The following KIAA1328 variants were observed in gnomAD, a reference collection of about 807,000 sequenced individuals.
KIAA1328 encodes protein hinderin.
In KIAA1328, 52 loss-of-function variants were observed where a neutral mutation model predicts 68.1. The observed-to-expected ratio is 0.76, with a 90% confidence interval of 0.61 to 0.96. The LOEUF is 0.96. Ranked by LOEUF, KIAA1328 falls within the 40% of genes least tolerant of loss-of-function variation. The probability of loss-of-function intolerance (pLI) is 0.00; values close to 1 mark genes in which losing one functional copy is unlikely to be tolerated. For synonymous variants in KIAA1328, 232 were observed against 239.4 expected, an observed-to-expected ratio of 0.97 and a Z score of 0.28; for missense variants, 641 against 677.6, an observed-to-expected ratio of 0.95 and a Z score of 0.60.
At chr18:37,139,811 G>A (rs2058729136) in intron 7 of KIAA1328, among the ~76,000 whole-genome samples, 1 of 152,150 alleles carries the variant, frequency 6.6e-6, no homozygotes, top group Admixed American at 6.5e-5. Flanking sequence ...ATAAAGATTA[G>A]TAAATAAGGC....
chr18:37,168,864 T>G (rs1176343145), intron 8 of KIAA1328, among the ~76,000 whole-genome samples: 2 of 151,794 alleles, frequency 1.3e-5, no homozygotes, highest in Admixed American at 1.3e-4. Context: ...TTAAACTGAA[T>G]AGATAATATG....
chr18:36,893,473 G>T (rs964454296), intron 5 of KIAA1328, among the ~76,000 whole-genome samples: 1 of 145,060 alleles, frequency 6.9e-6, no homozygotes, highest in Non-Finnish European at 1.5e-5. Context: ...TTTTGTGTGT[G>T]TGTGTGTGTG....
In KIAA1328 at chr18:37,002,236, T is replaced by C. The variant is rs1476890317; in HGVS notation, c.576+42801T>C. ...TTTCTTCATTTTTTTTTCTTTTTTT[T>C]TTTTTTTTTTTTGAGACAGTATCTC... On this transcript the variant is annotated intron_variant, in intron 6 of 9. Coordinates refer to ENST00000280020, the MANE Select transcript of KIAA1328 (RefSeq NM_020776.3). Among the ~76,000 whole-genome samples the C allele has an allele frequency of 1.6e-4, 23 of 145,810 alleles. No homozygotes were observed. The South Asian group carries it at 3.1e-3, about 20-fold the overall frequency.
chr18:36,850,842 T>C (rs529458293), intron 4 of KIAA1328, among the ~76,000 whole-genome samples: 145 of 152,296 alleles, frequency 9.5e-4, no homozygotes, highest in Non-Finnish European at 1.6e-3. Context: ...GCCTAGAATT[T>C]CTAGTACATT....
At chr18:37,073,929 A>G (rs1315922684) in intron 7 of KIAA1328, among the ~76,000 whole-genome samples, 1 of 152,132 alleles carries the variant, frequency 6.6e-6, no homozygotes, top group African/African-American at 2.4e-5. Flanking sequence ...TGGCATGATG[A>G]GTGATTTTTA....
chr18:37,121,949 A>G (rs1304577409), intron 7 of KIAA1328, among the ~76,000 whole-genome samples: 2 of 152,136 alleles, frequency 1.3e-5, no homozygotes, highest in Non-Finnish European at 2.9e-5. Flanking sequence ...ATTATTACAG[A>G]AAACTGAAAC....
chr18:37,023,191 T>G (rs771600869), intron 6 of KIAA1328, among the ~76,000 whole-genome samples: 9 of 152,144 alleles, frequency 5.9e-5, no homozygotes, highest in Non-Finnish European at 7.3e-5. Flanking sequence ...CCACCACACT[T>G]GGACTTCTTC....
intron 5 of KIAA1328, among the ~76,000 whole-genome samples, chr18:36,909,445 C>A (rs1029120786): frequency 2.6e-5 from 4 of 152,076 alleles, no homozygotes; most frequent in Non-Finnish European, 5.9e-5. Context: ...CATCCATGTC[C>A]CTACAAAGGA....
rs2060599458 is a variant in KIAA1328, at chr18:37,223,429, T to C, written c.*1202T>C. On this transcript the variant is annotated 3_prime_UTR_variant, in exon 10 of 10. Coordinates refer to ENST00000280020, the MANE Select transcript of KIAA1328 (RefSeq NM_020776.3). ...TCCTTCAGCTTGCAGTGGTCCCTAG[T>C]AGCCTCTCAAGCTAATGGGGATGAT... is the stretch of plus-strand genomic sequence containing the variant. The C allele has an allele frequency of 4.1e-6, 4 of 985,344 alleles. No homozygotes were observed. The South Asian group carries it at 1.9e-4, about 46-fold the overall frequency. The allele number at this position is 985,344 out of a possible 1,614,324, so 61.0% of individuals were successfully genotyped here. A position where few individuals can be genotyped will look rare whatever the true frequency, so the allele number is the denominator to read the frequency against.
At chr18:36,930,221 A>G (rs2050262267) in intron 5 of KIAA1328, among the ~76,000 whole-genome samples, 1 of 152,132 alleles carries the variant, frequency 6.6e-6, no homozygotes, top group Non-Finnish European at 1.5e-5. Context: ...ATCTGCCTTT[A>G]ATGGCCTTTT....
intron 5 of KIAA1328, among the ~76,000 whole-genome samples, chr18:36,887,034 A>T (rs2048524381): frequency 6.6e-6 from 1 of 152,096 alleles, no homozygotes; most frequent in Non-Finnish European, 1.5e-5. Context: ...TGTTGGCCTC[A>T]CAAGTCTAGA....
intron 9 of KIAA1328, among the ~76,000 whole-genome samples, chr18:37,193,968 G>A (rs1443881757): frequency 6.6e-6 from 1 of 152,068 alleles, no homozygotes; most frequent in Non-Finnish European, 1.5e-5. Context: ...TTAAGTTGCC[G>A]CACAGTGTTC....
chr18:37,146,040 C>T (rs2058890500), intron 7 of KIAA1328, among the ~76,000 whole-genome samples: 1 of 151,994 alleles, frequency 6.6e-6, no homozygotes, highest in Admixed American at 6.6e-5. Flanking sequence ...ATTGCTGTTT[C>T]TCCTTTTCTG....
intron 6 of KIAA1328, among the ~76,000 whole-genome samples, chr18:37,055,812 T>C (rs1425402761): frequency 1.3e-5 from 2 of 152,200 alleles, no homozygotes; most frequent in Admixed American, 1.3e-4. Context: ...TTCATTCTTA[T>C]AAGGCTGTAA....
intron 7 of KIAA1328, among the ~76,000 whole-genome samples, chr18:37,120,719 A>G (rs544797637): frequency 1.3e-5 from 2 of 152,128 alleles, no homozygotes; most frequent in Admixed American, 6.5e-5. Flanking sequence ...TCTGATTTCT[A>G]TTACTACAGA....
At chr18:36,985,236 T>C (rs1023069660) in intron 6 of KIAA1328, among the ~76,000 whole-genome samples, 8 of 151,994 alleles carry the variant, frequency 5.3e-5, no homozygotes, top group African/African-American at 1.9e-4. Flanking sequence ...GGAGCTCAAG[T>C]CTACAGTGAG....
At chr18:37,036,551 T>C (rs886119465) in intron 6 of KIAA1328, among the ~76,000 whole-genome samples, 1 of 152,160 alleles carries the variant, frequency 6.6e-6, no homozygotes. Flanking sequence ...TCCATACAAT[T>C]TGAGTTGATT....
chr18:36,880,791 A>G (rs536394368), intron 4 of KIAA1328, among the ~76,000 whole-genome samples: 1 of 152,216 alleles, frequency 6.6e-6, no homozygotes, highest in East Asian at 1.9e-4. Context: ...TTGTAAATAG[A>G]TTGAATTTTG....
chr18:37,103,834 A>G (rs2057695566), intron 7 of KIAA1328, among the ~76,000 whole-genome samples: 1 of 151,532 alleles, frequency 6.6e-6, no homozygotes, highest in Non-Finnish European at 1.5e-5. Flanking sequence ...ACACACACAC[A>G]CACACTCCCA....
Sources: gnomAD v4.1 joint callset for allele counts (sites outside exome capture counted in the v4.1 genomes callset) on GRCh38, gnomAD v4.1.1 for gene constraint, MANE v1.5 for transcripts, NCBI Gene and HGNC (gene_info 2026-07-23, HGNC 2026-07-21) for gene names.